Variants in CHD1L observed in about 807,000 individuals in gnomAD.
CHD1L encodes ATP-dependent chromatin remodeler CHD1L.
CHD1L carries 118 observed loss-of-function variants against 115.9 expected under a neutral mutation model. The ratio of observed to expected loss-of-function variants is 1.02; its 90% CI spans 0.88 to 1.19. CHD1L has a LOEUF of 1.19. Among genes scored for constraint, CHD1L ranks in the 50% most tolerant of loss-of-function variants. The pLI, the probability that CHD1L is intolerant of heterozygous loss-of-function variation, is 0.00. For synonymous variants in CHD1L, 411 were observed against 387.1 expected (o/e 1.06, Z -0.72); for missense variants, 1,179 against 1,065.3 (o/e 1.11, Z -1.49).
At chr1:147,184,622 A>G in the CHD1L span, 6 of 1,543,186 alleles carry the variant, frequency 3.9e-6, no homozygotes, top group South Asian at 1.2e-5. This position sits in a 1 kb window ranked among gnomAD's most constrained non-coding sequence, Gnocchi z 4.4. Flanking sequence ...TGTTTTTCTC[A>G]TGGTTAGACT....
the CHD1L span, among the ~76,000 whole-genome samples, chr1:147,180,347 A>G: frequency 3.3e-5 from 5 of 152,096 alleles, no homozygotes; most frequent in African/African-American, 9.6e-5. Flanking sequence ...GCTGGAGTTC[A>G]TTGGCGCGAT....
chr1:147,193,135 G>A, the CHD1L span, among the ~76,000 whole-genome samples: 2 of 152,052 alleles, frequency 1.3e-5, no homozygotes. Flanking sequence ...AATCCATCTG[G>A]TCCTGGACTC....
At chr1:147,201,198 C>T in the CHD1L span, 9 of 1,614,070 alleles carry the variant, frequency 5.6e-6, no homozygotes, top group Non-Finnish European at 5.9e-6. Context: ...CTGAAATGGG[C>T]ATAATGGCTC....
the CHD1L span, chr1:147,186,991 A>G: frequency 3.7e-6 from 6 of 1,614,222 alleles, no homozygotes; most frequent in Non-Finnish European, 5.1e-6. Flanking sequence ...ACTCCTTTCA[A>G]CTACTCTTGT....
chr1:147,236,055 C>T, the CHD1L span, among the ~76,000 whole-genome samples: 1 of 152,330 alleles, frequency 6.6e-6, no homozygotes, highest in East Asian at 1.9e-4. Context: ...GGTCCAGCCA[C>T]TATGCACAGC....
chr1:147,193,252 T>C, the CHD1L span, among the ~76,000 whole-genome samples: 2 of 152,084 alleles, frequency 1.3e-5, no homozygotes, highest in Non-Finnish European at 2.9e-5. Context: ...GTGTATGTGT[T>C]GAGGAATTTA....
intron 9 of CHD1L, among the ~76,000 whole-genome samples, chr1:147,268,562 TTCTG>T (rs2102616562): frequency 6.6e-6 from 1 of 152,326 alleles, no homozygotes; most frequent in Non-Finnish European, 1.5e-5. Flanking sequence ...TAGCATCTTC[TTCTG>T]TCTCAGTTTC....
At chr1:147,215,963 T>A in the CHD1L span, 2 of 1,559,142 alleles carry the variant, frequency 1.3e-6, no homozygotes, top group South Asian at 1.2e-5. Context: ...TAGAAAGTAT[T>A]CATAGCAACT....
At chr1:147,204,137 A>T in the CHD1L span, 1 of 1,067,492 alleles carries the variant, frequency 9.4e-7, no homozygotes, top group Non-Finnish European at 1.5e-6. Context: ...ACTTAAATTC[A>T]TCAATTCTTC....
At chr1:147,220,218 A>G in the CHD1L span, among the ~76,000 whole-genome samples, 1 of 152,232 alleles carries the variant, frequency 6.6e-6, no homozygotes, top group Non-Finnish European at 1.5e-5. Context: ...CCCTGAAATT[A>G]CATACGTAGG....
intron 14 of CHD1L, among the ~76,000 whole-genome samples, chr1:147,276,819 C>A (rs1013183971): frequency 6.6e-6 from 1 of 152,106 alleles, no homozygotes; most frequent in Non-Finnish European, 1.5e-5. Flanking sequence ...TCTGTAGCAG[C>A]CCTTGGGTTA....
rs782817996 is a variant in CHD1L at position 147,285,452 on chromosome 1, G to C, written c.1983G>C (p.Lys661Asn). Residue 661 changes from lysine to asparagine, a missense_variant, in exon 17 of 23, where the codon AAG becomes AAC. Lys to Asn is a moderately conservative substitution (Grantham distance 94). Coordinates refer to ENST00000369258, the MANE Select transcript of CHD1L (RefSeq NM_004284.6). Reference sequence around the variant, plus strand: ...AGAGAAGGAGACTCATAGAGGAGAAGAAGAGGCAAAAGGAAGAGGCTGAAC... The same window carrying C: ...AGAGAAGGAGACTCATAGAGGAGAACAAGAGGCAAAAGGAAGAGGCTGAAC... ...AAKRRRLIEE[K>N]KRQKEEAEHK... 1.2e-6 allele frequency: 2 copies of C among 1,613,316 alleles called. No homozygotes were observed. Among genetic ancestry groups the C allele is most frequent in the African/African-American group, 2.7e-5 (2 of 74,800 alleles).
At chr1:147,265,515 T>G (rs1553947411) in intron 7 of CHD1L, among the ~76,000 whole-genome samples, 1 of 152,244 alleles carries the variant, frequency 6.6e-6, no homozygotes, top group East Asian at 1.9e-4. Flanking sequence ...GAGCCAAATT[T>G]GAATGCTGGC....
At chr1:147,176,858 G>T in the CHD1L span, among the ~76,000 whole-genome samples, 1 of 151,958 alleles carries the variant, frequency 6.6e-6, no homozygotes, top group African/African-American at 2.4e-5. Flanking sequence ...AGAGGAGTAG[G>T]CATGTGATCA....
At chr1:147,221,615 A>C in the CHD1L span, among the ~76,000 whole-genome samples, 1 of 152,234 alleles carries the variant, frequency 6.6e-6, no homozygotes, top group Admixed American at 6.5e-5. Flanking sequence ...GTCCCTCTGT[A>C]ATAAAATACT....
the CHD1L span, among the ~76,000 whole-genome samples, chr1:147,234,857 T>C: frequency 6.6e-6 from 1 of 152,200 alleles, no homozygotes; most frequent in Non-Finnish European, 1.5e-5. Flanking sequence ...TAGGAATAAT[T>C]TGGGCAAGCA....
At chr1:147,292,212 G>A (rs10793661) in intron 20 of CHD1L, among the ~76,000 whole-genome samples, 33,208 of 152,112 alleles carry the variant, frequency 0.22, 4,196 homozygotes, top group Middle Eastern at 0.28. Context: ...TGAGTAAGAA[G>A]GCATGACTCA....
intron 1 of CHD1L, among the ~76,000 whole-genome samples, chr1:147,246,274 A>G (rs56228539): frequency 0.27 from 40,366 of 152,084 alleles, 6,477 homozygotes; most frequent in East Asian, 0.59. Context: ...ACAGTATACC[A>G]CAGTTTGTTT....
chr1:147,189,394 AG>A, the CHD1L span, among the ~76,000 whole-genome samples: 1 of 152,122 alleles, frequency 6.6e-6, no homozygotes, highest in African/African-American at 2.4e-5. Flanking sequence ...GAAAGGAAGG[AG>A]GAAAATAGGA....
Sources: allele counts gnomAD v4.1 joint callset (sites outside exome capture counted in the v4.1 genomes callset), GRCh38; gene constraint gnomAD v4.1.1; non-coding constraint Gnocchi (gnomAD v3.1); transcripts MANE v1.5; gene names NCBI Gene and HGNC (gene_info 2026-07-23, HGNC 2026-07-21).